Variants in ADAMTS14 observed in about 807,000 individuals in gnomAD.
ADAMTS14 encodes the protein A disintegrin and metalloproteinase with thrombospondin motifs 14.
In ADAMTS14, 100 loss-of-function variants were observed where a neutral mutation model predicts 128.6. That is an observed-to-expected ratio of 0.78 (90% CI 0.66 to 0.92). The LOEUF is 0.92. ADAMTS14 is among the 40% of genes least tolerant of loss of function. The probability of loss-of-function intolerance (pLI) is 0.00; values close to 1 mark genes in which losing one functional copy is unlikely to be tolerated. For synonymous variants in ADAMTS14, 665 were observed against 653.8 expected (o/e 1.02, Z -0.26); for missense variants, 1,562 against 1,658.6 (o/e 0.94, Z 1.01).
At chr10:70,691,867 TCTTA>T (rs1433919850) in intron 2 of ADAMTS14, among the ~76,000 whole-genome samples, 1 of 152,210 alleles carries the variant, frequency 6.6e-6, no homozygotes, top group Non-Finnish European at 1.5e-5. Flanking sequence ...TCGTTTCCTC[TCTTA>T]CTTGCCCATT....
In ADAMTS14 at chr10:70,758,239, G is replaced by T; in HGVS notation, c.3132G>T (p.Trp1044Cys). 6.2e-7 allele frequency: 1 copy of T among 1,614,210 alleles called. No individual in the cohort carries two copies. Among genetic ancestry groups the T allele is most frequent in the South Asian group, 1.1e-5 (1 of 91,088 alleles). ...AACTTGGGACGCCAGAGGGGCAGTG[G>T]GTGCCACAATCTGAACCCCTACATC... ...VWELGTPEGQ[W>C]VPQSEPLHPI... The change falls in exon 21 of 22, where the codon TGG (tryptophan) becomes TGT (cysteine). Residue 1044 changes from tryptophan (W) to cysteine (C), a missense_variant. Coordinates refer to ENST00000373207, the MANE Select transcript of ADAMTS14 (RefSeq NM_080722.4).
In ADAMTS14 at chr10:70,735,189, A is replaced by G. The variant is rs769284473; in HGVS notation, c.1373A>G (p.Asp458Gly). 2.5e-6 allele frequency: 4 copies of G among 1,613,150 alleles called. No individual in the cohort carries two copies. The Admixed American group carries it at 6.7e-5, about 27-fold the overall frequency. ...GGCAGCTCCTACGACTGCCTCCTCG[A>G]TGACCCCTTTGATCCTGCCTGGCCC... ...RYLPSYDCLLDDPFDPAWPQP... is the reference protein window; with the variant it reads ...RYLPSYDCLLGDPFDPAWPQP... The change falls in exon 9 of 22, where the codon GAT (aspartate) becomes GGT (glycine). Residue 458 changes from aspartate to glycine, a missense_variant. Asp to Gly is a moderately conservative substitution (Grantham distance 94). Transcript: ENST00000373207.
intron 6 of ADAMTS14, 70 bp from the exon 7 acceptor site, chr10:70,732,184 C>T (rs979024180): frequency 4.4e-6 from 6 of 1,356,196 alleles, no homozygotes; most frequent in Non-Finnish European, 5.2e-6. Flanking sequence ...GGGCTGGGCA[C>T]AGACCTCAGT....
In ADAMTS14 at chr10:70,752,239, C is replaced by T. The variant is rs1053210539; in HGVS notation, c.2729+12C>T. 6.2e-7 allele frequency: 1 copy of T among 1,612,898 alleles called. No homozygotes were observed. The highest frequency in any genetic ancestry group is 1.7e-5 in the Admixed American group (1 of 59,936). ...TGCTCTCAGCCTGTGTGAGTGCTCCCAGGGAGGGACGGGGAGTCTGGTTCT... is the reference window on the plus strand; with the variant it reads ...TGCTCTCAGCCTGTGTGAGTGCTCCTAGGGAGGGACGGGGAGTCTGGTTCT... On this transcript the variant is annotated intron_variant, in intron 18 of 21. Transcript: ENST00000373207.
chr10:70,700,757 C>T (rs4746058), intron 2 of ADAMTS14, among the ~76,000 whole-genome samples: 5 of 152,110 alleles, frequency 3.3e-5, no homozygotes, highest in African/African-American at 7.2e-5. Flanking sequence ...GTCCACACTT[C>T]GTCATAGCAC....
At chr10:70,731,561 A>G (rs1589310814) in intron 6 of ADAMTS14, among the ~76,000 whole-genome samples, 2 of 152,094 alleles carry the variant, frequency 1.3e-5, no homozygotes, top group African/African-American at 4.8e-5. Flanking sequence ...GCCCCCCTGC[A>G]CTGCCATGAT....
intron 9 of ADAMTS14, among the ~76,000 whole-genome samples, chr10:70,735,716 AG>A (rs1205358921): frequency 1.3e-5 from 2 of 152,194 alleles, no homozygotes; most frequent in Non-Finnish European, 2.9e-5. Flanking sequence ...CCAGAGCGTC[AG>A]TTCCATGTCC....
At chr10:70,724,536 A>G (rs1214510987) in intron 4 of ADAMTS14, among the ~76,000 whole-genome samples, 1 of 152,214 alleles carries the variant, frequency 6.6e-6, no homozygotes, top group East Asian at 1.9e-4. Context: ...CTACCTGTGC[A>G]TGTTCCAGAG....
chr10:70,721,834 G>A (rs1841277476), intron 4 of ADAMTS14, among the ~76,000 whole-genome samples: 1 of 152,238 alleles, frequency 6.6e-6, no homozygotes, highest in African/African-American at 2.4e-5. Flanking sequence ...TTTCCATGCA[G>A]CATTGCCCTG....
At chr10:70,729,543 G>A (rs1474285114) in intron 5 of ADAMTS14, among the ~76,000 whole-genome samples, 166 bp downstream of exon 5, 1 of 152,102 alleles carries the variant, frequency 6.6e-6, no homozygotes, top group African/African-American at 2.4e-5. Flanking sequence ...AGCCTTTGGA[G>A]GTGGTAAGCA....
At chr10:70,679,951 C>T (rs145019371) in intron 2 of ADAMTS14, among the ~76,000 whole-genome samples, 199 of 151,876 alleles carry the variant, frequency 1.3e-3, no homozygotes, top group African/African-American at 4.4e-3. Context: ...TGGGGTGGGG[C>T]GGGGGGAGTT....
rs114908337 is a variant in ADAMTS14 at position 70,724,395 on chromosome 10, G to A, written c.871-4899G>A. Among the ~76,000 whole-genome samples the A allele has an allele frequency of 2.9e-3, 446 of 152,326 alleles. 1 individual carries two copies. The highest frequency in any genetic ancestry group is 0.01 in the African/African-American group (424 of 41,574). ...CCATCCTGTCTCGTGCCCAACCATG[G>A]GAAGCGATCCGTGATCTCCCCTGAG... On this transcript the variant is annotated intron_variant, in intron 4 of 21. Coordinates refer to ENST00000373207, the MANE Select transcript of ADAMTS14 (RefSeq NM_080722.4).
At chr10:70,739,029 C>A (rs1370737423) in intron 11 of ADAMTS14, 39 bp downstream of exon 11, 2 of 1,571,510 alleles carry the variant, frequency 1.3e-6, no homozygotes. Context: ...GCAGGGAGTC[C>A]CTCCCCAGGG....
intron 13 of ADAMTS14, 67 bp from the exon 14 acceptor site, chr10:70,743,999 A>C: frequency 2.0e-6 from 3 of 1,526,208 alleles, no homozygotes; most frequent in Non-Finnish European, 2.7e-6. Context: ...GGGGATGGGA[A>C]TGGGAGCCCC....
At chr10:70,736,819 T>G (rs760984492) in intron 10 of ADAMTS14, 26 bp downstream of exon 10, 2 of 1,601,996 alleles carry the variant, frequency 1.2e-6, no homozygotes, top group Non-Finnish European at 1.7e-6. Context: ...GCAGCAGGAG[T>G]GGCCTTCCTG....
At chr10:70,708,806 G>A (rs754406755) in intron 4 of ADAMTS14, 28 bp downstream of exon 4, 1 of 1,498,074 alleles carries the variant, frequency 6.7e-7, no homozygotes, top group Non-Finnish European at 9.0e-7. Flanking sequence ...CTAGGACTTG[G>A]GGGGAGTGGG....
chr10:70,760,593 A>G lies in ADAMTS14; in HGVS notation c.3412A>G (p.Thr1138Ala), dbSNP rs1372715407. The G allele has an allele frequency of 3.7e-6, 6 of 1,613,856 alleles. No homozygotes were observed. The highest frequency in any genetic ancestry group is 5.1e-6 in the Non-Finnish European group (6 of 1,179,974). Residue 1138 changes from threonine (T) to alanine (A), a missense_variant, in exon 22 of 22, where the codon ACG (threonine) becomes GCG (alanine). Coordinates refer to ENST00000373207, the MANE Select transcript of ADAMTS14 (RefSeq NM_080722.4). ...TGCTGCAGAGCCTCCTGGAAAGCCA[A>G]CGGGATCAGAGGACCATCAGCATGG... ...ADAAEPPGKP[T>A]GSEDHQHGRA...
At chr10:70,693,588 G>GT (rs1170991061) in intron 2 of ADAMTS14, among the ~76,000 whole-genome samples, 18 of 152,232 alleles carry the variant, frequency 1.2e-4, no homozygotes, top group African/African-American at 4.3e-4. Context: ...ATGATGTTAA[G>GT]TAAGTGTCCC....
intron 4 of ADAMTS14, among the ~76,000 whole-genome samples, chr10:70,710,939 G>T (rs1408672137): frequency 6.6e-6 from 1 of 152,156 alleles, no homozygotes; most frequent in Non-Finnish European, 1.5e-5. Flanking sequence ...GCGCTGCCTG[G>T]GTCCATAATC....
Sources: gnomAD v4.1 joint callset for allele counts (sites outside exome capture counted in the v4.1 genomes callset) on GRCh38, gnomAD v4.1.1 for gene constraint, MANE v1.5 for transcripts, NCBI Gene and HGNC (gene_info 2026-07-23, HGNC 2026-07-21) for gene names.